ZGLP1: variants seen among roughly 807,000 people sequenced by gnomAD.
ZGLP1 encodes GATA-type zinc finger protein 1.
A neutral mutation model predicts 21.4 loss-of-function variants in ZGLP1; 11 were observed. That is an observed-to-expected ratio of 0.51 (90% confidence interval 0.32 to 0.85). ZGLP1 has a LOEUF of 0.85. Among genes scored for constraint, ZGLP1 ranks in the 40% least tolerant of loss-of-function variants. The pLI is 0.03. For synonymous variants in ZGLP1, 148 were observed against 145.0 expected, an observed-to-expected ratio of 1.02 and a Z score of -0.15; for missense variants, 295 against 355.6, an observed-to-expected ratio of 0.83 and a Z score of 1.37.
At chr19:10,309,131 G>A (rs2040297765) in exon 1 of ZGLP1, 1 of 152,866 alleles carries the variant, frequency 6.5e-6, no homozygotes, top group Non-Finnish European at 1.5e-5. Context: ...CCTGGGGAGT[G>A]CCTACATCAG....
Position 10,305,483 on chromosome 19 carries a change from T to G in ZGLP1, c.605A>C (p.Glu202Ala). The G allele has an allele frequency of 6.3e-7, 1 of 1,591,874 alleles. No individual in the cohort carries two copies. Among genetic ancestry groups the G allele is most frequent in the Non-Finnish European group, 8.6e-7 (1 of 1,169,460 alleles). ...CCGACAGGAAGCACAGCGCCGGGGC[T>G]CTGAAGGGTCAGAGGTCAAAGGGCA... The change falls in exon 3 of 4, where the codon GAG (glutamate) becomes GCG (alanine). Residue 202 changes from glutamate to alanine, a missense_variant and splice_region_variant. By Grantham distance (107) the Glu-to-Ala change is moderately radical (BLOSUM62 -1). Transcript: ENST00000403903. This position sits in a 1 kb window ranked among gnomAD's most constrained non-coding sequence, Gnocchi z 4.7.
rs1380025272 is a variant in ZGLP1 at position 10,305,222 on chromosome 19, A to G, written c.699-14T>C. On this transcript the variant is annotated splice_polypyrimidine_tract_variant and intron_variant, in intron 3 of 3. Coordinates refer to ENST00000403903, the Ensembl canonical transcript of ZGLP1. This position sits in a 1 kb window ranked among gnomAD's most constrained non-coding sequence, Gnocchi z 4.7. ...TATTTCTTGTACCTAGGGTTGGGGG[A>G]CAAGAAACTGCCATTTAGGATGCAG... 5 of 1,612,242 alleles carry G rather than the reference A, an allele frequency of 3.1e-6. No individual in the cohort carries two copies. The highest frequency in any genetic ancestry group is 4.2e-6 in the Non-Finnish European group (5 of 1,178,526).
intron 1 of ZGLP1, among the ~76,000 whole-genome samples, chr19:10,307,517 T>C (rs1025705464): frequency 6.2e-5 from 3 of 48,372 alleles, no homozygotes; most frequent in African/African-American, 1.8e-4. Context: ...TCCCAGCTAG[T>C]TTTTTTTTTT....
chr19:10,305,602 A>C lies in ZGLP1; in HGVS notation c.605-119T>G. Reference sequence around the variant, plus strand: ...TAAAGGCCCCACCTAGCTCTGGATCAGCCCTGGGAGTTGCCAGCTCTAAGC... The same window carrying C: ...TAAAGGCCCCACCTAGCTCTGGATCCGCCCTGGGAGTTGCCAGCTCTAAGC... On this transcript the variant is annotated intron_variant, in intron 2 of 3. Transcript: ENST00000403903. This position sits in a 1 kb window ranked among gnomAD's most constrained non-coding sequence, Gnocchi z 4.7. 1 of 900,700 alleles carries C rather than the reference A, an allele frequency of 1.1e-6. No individual in the cohort carries two copies. 55.8% of individuals were successfully genotyped at this position (900,700 alleles called of 1,614,324 possible).
rs1164675188 is a variant in ZGLP1 at position 10,305,710 on chromosome 19, AG to A, written c.604+135del. 6 of 739,160 alleles carry A rather than the reference AG, an allele frequency of 8.1e-6. No homozygotes were observed. The highest frequency in any genetic ancestry group is 1.1e-5 in the Non-Finnish European group (5 of 446,258). 45.8% of individuals were successfully genotyped at this position (739,160 alleles called of 1,614,324 possible). The stretch of plus-strand genomic sequence containing the variant: ...GGTGGGGGTGACTCAGCCCAAGTGG[AG>A]GGGGGTGCTGCGACTCCTCCCTGAG... On this transcript the variant is annotated intron_variant, in intron 2 of 3. Transcript: ENST00000403903. This position sits in a 1 kb window ranked among gnomAD's most constrained non-coding sequence, Gnocchi z 4.7.
exon 1 of ZGLP1, chr19:10,309,759 C>G (rs1292514758): frequency 6.6e-6 from 1 of 152,336 alleles, no homozygotes; most frequent in Non-Finnish European, 1.5e-5. Context: ...CGCTAGCCCT[C>G]CCCCTCGGAA....
At chr19:10,307,646 C>A (rs1160120486) in intron 1 of ZGLP1, among the ~76,000 whole-genome samples, 1 of 152,044 alleles carries the variant, frequency 6.6e-6, no homozygotes, top group Non-Finnish European at 1.5e-5. Flanking sequence ...TCCTGAGCAG[C>A]TGGGATTACA....
chr19:10,305,439 A>T lies in ZGLP1; in HGVS notation c.649T>A (p.Trp217Arg). ...GGGGTCCCATCTTCAGCGTCTCTCC[A>T]GAGCGGGGTCCTCTGGGTCCGACAG... Residue 217 changes from tryptophan to arginine, a missense_variant, in exon 3 of 4, where the codon TGG becomes AGG. Trp to Arg is a moderately radical substitution (Grantham distance 101). Transcript: ENST00000403903. This position sits in a 1 kb window ranked among gnomAD's most constrained non-coding sequence, Gnocchi z 4.7. 6.2e-7 allele frequency: 1 copy of T among 1,601,462 alleles called. No individual in the cohort carries two copies. Among genetic ancestry groups the T allele is most frequent in the Non-Finnish European group, 8.5e-7 (1 of 1,174,060 alleles).
exon 4 of ZGLP1, chr19:10,304,881 C>T (rs997484765): frequency 2.6e-5 from 15 of 583,348 alleles, no homozygotes; most frequent in Admixed American, 9.5e-5. Flanking sequence ...GAGGGGGCCT[C>T]GGCCAAGGCT....
At chr19:10,307,778 A>G (rs1258507069) in intron 1 of ZGLP1, among the ~76,000 whole-genome samples, 5 of 152,194 alleles carry the variant, frequency 3.3e-5, no homozygotes, top group Non-Finnish European at 7.3e-5. Flanking sequence ...GGCCTCCCAA[A>G]GTGATGGGAT....
At chr19:10,308,190 C>T in exon 1 of ZGLP1, 2 of 1,533,880 alleles carry the variant, frequency 1.3e-6, no homozygotes, top group Middle Eastern at 1.8e-4. Flanking sequence ...CCTACCTGTA[C>T]GTGGGGATGA....
exon 4 of ZGLP1, chr19:10,304,998 C>G (rs2040271144): frequency 2.0e-6 from 2 of 1,011,628 alleles, no homozygotes; most frequent in East Asian, 2.5e-5. Context: ...CAGGCCGGCT[C>G]TTTCCCCAAT....
At position 10,305,906 on chromosome 19, in the gene ZGLP1, C is replaced by G. The variant is rs375604899; in HGVS notation, c.544G>C (p.Gly182Arg). 7.0e-6 allele frequency: 11 copies of G among 1,565,554 alleles called. No homozygotes were observed. The highest frequency in any genetic ancestry group is 1.9e-5 in the Admixed American group (1 of 53,098). ...CCTCCTGGGTGGGCTGCAGGGCCCC[C>G]AACAGCATCTGCAGGGGATTCCTGA... Residue 182 changes from glycine (G) to arginine (R), a missense_variant, in exon 2 of 4, where the codon GGG (glycine) becomes CGG (arginine). Gly to Arg is a moderately radical substitution (Grantham distance 125). This residue lies in a region of ZGLP1 where 252 missense variants were observed against 264.0 expected (regional missense o/e 0.95). Transcript: ENST00000403903. The surrounding 1 kb of genome is among the most constrained non-coding windows in gnomAD (Gnocchi z 4.7).
At position 10,305,586 on chromosome 19, in the gene ZGLP1, C is replaced by T; in HGVS notation, c.605-103G>A. 9.8e-7 allele frequency: 1 copy of T among 1,022,150 alleles called. No individual in the cohort carries two copies. Among genetic ancestry groups the T allele is most frequent in the Non-Finnish European group, 1.5e-6 (1 of 677,666 alleles). The allele number at this position is 1,022,150 out of a possible 1,614,324, so 63.3% of individuals were successfully genotyped here. On this transcript the variant is annotated intron_variant, in intron 2 of 3. Coordinates refer to ENST00000403903, the Ensembl canonical transcript of ZGLP1. The surrounding 1 kb of genome is among the most constrained non-coding windows in gnomAD (Gnocchi z 4.7). ...TTTGTGGGGGTCTCAGTAAAGGCCC[C>T]ACCTAGCTCTGGATCAGCCCTGGGA... is the stretch of plus-strand genomic sequence containing the variant.
chr19:10,305,699 A>C lies in ZGLP1; in HGVS notation c.604+147T>G. 1 of 757,120 alleles carries C rather than the reference A, an allele frequency of 1.3e-6. No individual in the cohort carries two copies. Among genetic ancestry groups the C allele is most frequent in the Non-Finnish European group, 2.2e-6 (1 of 447,968 alleles). The allele number at this position is 757,120 out of a possible 1,614,324, so 46.9% of individuals were successfully genotyped here. ...AGGAAGCTGGGGGTGGGGGTGACTC[A>C]GCCCAAGTGGAGGGGGGTGCTGCGA... On this transcript the variant is annotated intron_variant, in intron 2 of 3. Transcript: ENST00000403903. The surrounding 1 kb of genome is among the most constrained non-coding windows in gnomAD (Gnocchi z 4.7).
At chr19:10,308,699 A>C in exon 1 of ZGLP1, 1 of 1,477,364 alleles carries the variant, frequency 6.8e-7, no homozygotes, top group Non-Finnish European at 9.0e-7. Flanking sequence ...TCTGGGTGGA[A>C]GGTTTAAGAG....
At chr19:10,308,772 T>TC (rs1157988929) in exon 1 of ZGLP1, 14 of 1,265,614 alleles carry the variant, frequency 1.1e-5, no homozygotes, top group Non-Finnish European at 1.3e-5. Context: ...GCCCTCCACA[T>TC]CAATCAACCC....
rs375130976 is a variant in ZGLP1, at chr19:10,305,877, G to A, written c.573C>T (p.Thr191=). 1.8e-4 allele frequency: 276 copies of A among 1,560,602 alleles called. No homozygotes were observed. The highest frequency in any genetic ancestry group is 7.9e-5 in the Non-Finnish European group (91 of 1,151,290). ...CCTCGCTGCCTGCTGAGTGGGCCTCGGTGCCTCCTGGGTGGGCTGCAGGGC... is the reference window on the plus strand; with the variant it reads ...CCTCGCTGCCTGCTGAGTGGGCCTCAGTGCCTCCTGGGTGGGCTGCAGGGC... Residue 191 remains threonine, a synonymous_variant, in exon 2 of 4, where the codon ACC becomes ACT. Coordinates refer to ENST00000403903, the Ensembl canonical transcript of ZGLP1. This position sits in a 1 kb window ranked among gnomAD's most constrained non-coding sequence, Gnocchi z 4.7.
chr19:10,307,762 C>T (rs986490595), intron 1 of ZGLP1, among the ~76,000 whole-genome samples: 3 of 152,322 alleles, frequency 2.0e-5, no homozygotes, highest in Admixed American at 1.3e-4. Context: ...GTGATCTGCT[C>T]GCCTTGGCCT....
Sources: allele counts gnomAD v4.1 joint callset (sites outside exome capture counted in the v4.1 genomes callset), GRCh38; gene constraint gnomAD v4.1.1; regional missense constraint gnomAD v4.1.1; non-coding constraint Gnocchi (gnomAD v3.1); transcripts MANE v1.5; gene names NCBI Gene and HGNC (gene_info 2026-07-23, HGNC 2026-07-21).